The following MBD5 variants were observed in gnomAD, a reference collection of about 807,000 sequenced individuals.
MBD5 encodes methyl-CpG binding domain protein 5, also known as methyl-CpG-binding domain protein 5.
Under a neutral mutation model 117.3 loss-of-function variants are expected in MBD5, and 13 were observed. The observed-to-expected ratio is 0.11, with a 90% CI of 0.07 to 0.18. The LOEUF (loss-of-function observed/expected upper bound fraction) is 0.18, where lower values mean the gene tolerates loss of function less well. MBD5 is among the 10% of genes least tolerant of loss of function. The probability of loss-of-function intolerance (pLI) is 1.00; values close to 1 mark genes in which losing one functional copy is unlikely to be tolerated. For synonymous variants in MBD5, 727 were observed against 766.4 expected (o/e 0.95, Z 0.85); for missense variants, 1,879 against 2,093.8 (o/e 0.90, Z 2.00).
intron 1 of MBD5, among the ~76,000 whole-genome samples, chr2:148,092,795 C>A (rs1202507045): frequency 4.6e-5 from 6 of 131,242 alleles, no homozygotes; most frequent in Non-Finnish European, 9.7e-5. Flanking sequence ...CCACCTGTTC[C>A]CCCAAAACTT....
At chr2:148,378,513 C>CT (rs1350344681) in intron 4 of MBD5, among the ~76,000 whole-genome samples, 2 of 151,770 alleles carry the variant, frequency 1.3e-5, no homozygotes, top group Admixed American at 6.6e-5. Context: ...TAAATAATTC[C>CT]TTTTTTTGTC....
Position 148,469,878 on chromosome 2 carries a change from A to C in MBD5, c.1935A>C (p.Arg645Ser), listed in dbSNP as rs775494046. 2 of 1,613,874 alleles carry C rather than the reference A, an allele frequency of 1.2e-6. No individual in the cohort carries two copies. Among genetic ancestry groups the C allele is most frequent in the African/African-American group, 2.7e-5 (2 of 74,898 alleles). Residue 645 changes from arginine (R) to serine (S), a missense_variant, in exon 8 of 14, where the codon AGA (arginine) becomes AGC (serine). Transcript: ENST00000642680. ...GGCAAAGTGGTCGAGCAGCACTAAG[A>C]GATAAGCTGATGTCTCAGCAAAAAG... is the stretch of plus-strand genomic sequence containing the variant. ...GEGQSGRAAL[R>S]DKLMSQQKDA...
intron 4 of MBD5, among the ~76,000 whole-genome samples, chr2:148,438,805 G>A (rs138211803): frequency 2.0e-5 from 3 of 152,196 alleles, no homozygotes; most frequent in Non-Finnish European, 4.4e-5. Context: ...CCAAGTTCTC[G>A]AAGAGACCTG....
intron 1 of MBD5, among the ~76,000 whole-genome samples, chr2:148,091,405 C>T (rs1188119602): frequency 6.6e-6 from 1 of 152,140 alleles, no homozygotes; most frequent in Non-Finnish European, 1.5e-5. Flanking sequence ...TGACTTCAAA[C>T]TGTACTACAA....
chr2:148,329,036 T>C (rs1702559153), intron 3 of MBD5, among the ~76,000 whole-genome samples: 1 of 152,230 alleles, frequency 6.6e-6, no homozygotes, highest in South Asian at 2.1e-4. Flanking sequence ...CTCATGATCA[T>C]TTTTGCATTA....
chr2:148,220,244 A>G (rs1348761942), intron 2 of MBD5, among the ~76,000 whole-genome samples: 2 of 152,168 alleles, frequency 1.3e-5, no homozygotes, highest in Non-Finnish European at 2.9e-5. Flanking sequence ...AAGTTCAACT[A>G]TTGCTTCAAT....
At chr2:148,465,998 G>T (rs1707249101) in intron 7 of MBD5, among the ~76,000 whole-genome samples, 2 of 152,010 alleles carry the variant, frequency 1.3e-5, no homozygotes, top group South Asian at 4.1e-4. Flanking sequence ...GAAATTAAAG[G>T]TAAATATATA....
intron 11 of MBD5, among the ~76,000 whole-genome samples, chr2:148,496,949 C>T (rs1405128000): frequency 6.6e-6 from 1 of 152,116 alleles, no homozygotes; most frequent in African/African-American, 2.4e-5. Flanking sequence ...ACTTTTTACT[C>T]TAAATTATTT....
chr2:148,147,965 A>G (rs1407346333), intron 1 of MBD5, among the ~76,000 whole-genome samples: 1 of 152,170 alleles, frequency 6.6e-6, no homozygotes, highest in Non-Finnish European at 1.5e-5. Flanking sequence ...AGATTCCCAG[A>G]AATATGTTAG....
chr2:148,227,488 C>G (rs1699862282), intron 2 of MBD5, among the ~76,000 whole-genome samples: 2 of 152,114 alleles, frequency 1.3e-5, no homozygotes, highest in African/African-American at 2.4e-5. Context: ...TGTTTTGGTA[C>G]CAGTACCATG....
At chr2:148,153,320 G>C (rs1163293141) in intron 1 of MBD5, among the ~76,000 whole-genome samples, 1 of 152,216 alleles carries the variant, frequency 6.6e-6, no homozygotes, top group Non-Finnish European at 1.5e-5. Context: ...CTGTTAGTCT[G>C]ATGGGCTTCC....
chr2:148,238,474 C>T (rs986584048), intron 3 of MBD5, among the ~76,000 whole-genome samples: 2 of 152,060 alleles, frequency 1.3e-5, no homozygotes, highest in Non-Finnish European at 2.9e-5. Flanking sequence ...ATGTATATAT[C>T]GATCAGATGT....
At chr2:148,294,908 G>A (rs1304256419) in intron 3 of MBD5, among the ~76,000 whole-genome samples, 1 of 152,144 alleles carries the variant, frequency 6.6e-6, no homozygotes, top group African/African-American at 2.4e-5. Flanking sequence ...TTTCTGATGA[G>A]AAATCAGCCA....
At chr2:148,279,187 C>A (rs999635975) in intron 3 of MBD5, among the ~76,000 whole-genome samples, 1 of 152,152 alleles carries the variant, frequency 6.6e-6, no homozygotes. Context: ...AATCCCAACA[C>A]TGGGAGGCAG....
intron 5 of MBD5, among the ~76,000 whole-genome samples, chr2:148,459,713 T>C (rs1461554350): frequency 6.6e-6 from 1 of 152,204 alleles, no homozygotes; most frequent in Non-Finnish European, 1.5e-5. Context: ...CAACAGAATT[T>C]GCCAGTCCAG....
chr2:148,359,149 C>A (rs947470836), intron 4 of MBD5, among the ~76,000 whole-genome samples: 2 of 151,868 alleles, frequency 1.3e-5, no homozygotes, highest in Non-Finnish European at 2.9e-5. Context: ...CGCCTGTAGT[C>A]CCAGCTATTT....
intron 4 of MBD5, among the ~76,000 whole-genome samples, chr2:148,383,170 GT>G (rs992425504): frequency 6.6e-6 from 1 of 152,038 alleles, no homozygotes; most frequent in East Asian, 1.9e-4. Flanking sequence ...TCCAGGAGCT[GT>G]TTTTTTGAAA....
chr2:148,187,238 C>T (rs1043683936), intron 2 of MBD5, among the ~76,000 whole-genome samples: 3 of 151,774 alleles, frequency 2.0e-5, no homozygotes, highest in East Asian at 1.9e-4. Flanking sequence ...AGTCTAAAAA[C>T]GAGTAAGTAA....
At chr2:148,332,809 C>G (rs13411263) in intron 3 of MBD5, among the ~76,000 whole-genome samples, 1 of 152,094 alleles carries the variant, frequency 6.6e-6, no homozygotes, top group Non-Finnish European at 1.5e-5. Flanking sequence ...CCCTTTTAAT[C>G]TGAAAATTCA....
Sources: gnomAD v4.1 joint callset for allele counts (sites outside exome capture counted in the v4.1 genomes callset) on GRCh38, gnomAD v4.1.1 for gene constraint, MANE v1.5 for transcripts, NCBI Gene and HGNC (gene_info 2026-07-23, HGNC 2026-07-21) for gene names.